Variants in SLIT3 observed in about 807,000 individuals in gnomAD.
SLIT3 encodes the protein slit homolog 3 protein.
In SLIT3, 68 loss-of-function variants were observed where a neutral mutation model predicts 184.0. The ratio of observed to expected loss-of-function variants is 0.37; its 90% CI spans 0.30 to 0.45. The LOEUF (loss-of-function observed/expected upper bound fraction) is 0.45, where lower values mean the gene tolerates loss of function less well. Ranked by LOEUF, SLIT3 falls within the 20% of genes least tolerant of loss-of-function variation. The probability of loss-of-function intolerance (pLI) is 1.00; values close to 1 mark genes in which losing one functional copy is unlikely to be tolerated. For synonymous variants in SLIT3, 831 were observed against 828.6 expected, an observed-to-expected ratio of 1.00 and a Z score of -0.05; for missense variants, 1,707 against 2,026.0, an observed-to-expected ratio of 0.84 and a Z score of 3.02.
At chr5:168,718,228 G>C (rs1487450125) in intron 23 of SLIT3, 1 of 151,884 alleles carries the variant, frequency 6.6e-6, no homozygotes, top group Non-Finnish European at 1.5e-5. Context: ...ATCAAGCAAA[G>C]GGCTCCCTTA....
At chr5:168,669,653 C>A in intron 35 of SLIT3, 130 bp downstream of exon 35, 1 of 707,358 alleles carries the variant, frequency 1.4e-6, no homozygotes, top group Non-Finnish European at 2.5e-6. Context: ...GGAATTGAGG[C>A]TCAGAAAGTG....
At chr5:168,684,484 T>C (rs901691463) in intron 31 of SLIT3, among the ~76,000 whole-genome samples, 1 of 152,222 alleles carries the variant, frequency 6.6e-6, no homozygotes, top group African/African-American at 2.4e-5. Context: ...ATTTATTTAT[T>C]TATTTATTTT....
chr5:169,049,823 G>C (rs767529913), intron 4 of SLIT3, among the ~76,000 whole-genome samples: 7 of 152,280 alleles, frequency 4.6e-5, no homozygotes, highest in Middle Eastern at 3.4e-3. Flanking sequence ...AAATACAAGA[G>C]TTCTGTAGTT....
chr5:168,691,667 G>C (rs992832044), intron 29 of SLIT3, among the ~76,000 whole-genome samples: 7 of 152,154 alleles, frequency 4.6e-5, no homozygotes, highest in African/African-American at 1.7e-4. Context: ...CAGTTGCCCC[G>C]GACTGCCTGT....
At chr5:169,281,384 A>T (rs1766988692) in intron 1 of SLIT3, among the ~76,000 whole-genome samples, 1 of 152,080 alleles carries the variant, frequency 6.6e-6, no homozygotes, top group Non-Finnish European at 1.5e-5. Flanking sequence ...GCTGAGGCAG[A>T]AGAATCACTT....
intron 4 of SLIT3, among the ~76,000 whole-genome samples, chr5:169,120,733 G>C (rs187982496): frequency 6.6e-6 from 1 of 152,196 alleles, no homozygotes; most frequent in Non-Finnish European, 1.5e-5. Flanking sequence ...CCCACCTTGA[G>C]AGCTGCATCC....
intron 8 of SLIT3, among the ~76,000 whole-genome samples, chr5:168,811,173 GGGACTTGCCCAA>G (rs1156940081): frequency 5.3e-5 from 8 of 152,236 alleles, no homozygotes; most frequent in Non-Finnish European, 1.0e-4. Context: ...GAGAGAGGAG[GGGACTTGCCCAA>G]GGACACAGTG....
intron 21 of SLIT3, 50 bp from the exon 22 acceptor site, chr5:168,723,054 T>G (rs145582302): frequency 1.2e-5 from 17 of 1,365,332 alleles, no homozygotes; most frequent in Non-Finnish European, 1.8e-5. Flanking sequence ...GTTGCATCTG[T>G]AGGAGGCCAT....
intron 9 of SLIT3, 22 bp from the exon 10 acceptor site, chr5:168,795,600 A>T: frequency 6.3e-7 from 1 of 1,599,266 alleles, no homozygotes; most frequent in Non-Finnish European, 8.6e-7. Flanking sequence ...AGCAGAGAAG[A>T]GTGAATTAAC....
At chr5:168,728,912 T>C (rs1471647520) in intron 20 of SLIT3, among the ~76,000 whole-genome samples, 3 of 150,182 alleles carry the variant, frequency 2.0e-5, no homozygotes, top group African/African-American at 7.4e-5. Context: ...AGTTAGACTC[T>C]GTCTCAAAAA....
At chr5:169,007,093 G>T (rs945260075) in intron 4 of SLIT3, among the ~76,000 whole-genome samples, 1 of 152,162 alleles carries the variant, frequency 6.6e-6, no homozygotes, top group Non-Finnish European at 1.5e-5. Context: ...GATAGTGAGT[G>T]AGTTCTCACA....
At chr5:168,854,489 G>A (rs1011198692) in intron 5 of SLIT3, among the ~76,000 whole-genome samples, 7 of 152,278 alleles carry the variant, frequency 4.6e-5, no homozygotes, top group Non-Finnish European at 1.0e-4. Flanking sequence ...AGTCACTGAG[G>A]ATCATGGATG....
intron 4 of SLIT3, among the ~76,000 whole-genome samples, chr5:169,003,302 G>A (rs1305259193): frequency 6.6e-6 from 1 of 152,144 alleles, no homozygotes; most frequent in Non-Finnish European, 1.5e-5. Context: ...CCTAGCTTCT[G>A]GGCAGACCAG....
intron 4 of SLIT3, among the ~76,000 whole-genome samples, chr5:169,064,937 A>C (rs1758298109): frequency 6.6e-6 from 1 of 152,210 alleles, no homozygotes; most frequent in South Asian, 2.1e-4. Context: ...ACTAGAACCC[A>C]GCCTAATTGC....
At chr5:168,763,352 G>A (rs1033198399) in intron 14 of SLIT3, among the ~76,000 whole-genome samples, 3 of 152,040 alleles carry the variant, frequency 2.0e-5, no homozygotes, top group African/African-American at 7.3e-5. Flanking sequence ...TTTGGCTCAG[G>A]GTTGCCTGAT....
chr5:169,096,415 G>A (rs1035148587), intron 4 of SLIT3, among the ~76,000 whole-genome samples: 5 of 152,210 alleles, frequency 3.3e-5, no homozygotes, highest in African/African-American at 7.2e-5. Flanking sequence ...TTTCTGCAAA[G>A]GGCCAGATAG....
intron 12 of SLIT3, among the ~76,000 whole-genome samples, chr5:168,784,890 C>CAA (rs1756098065): frequency 6.6e-6 from 1 of 151,994 alleles, no homozygotes; most frequent in African/African-American, 2.4e-5. Flanking sequence ...CACACACACG[C>CAA]ACACACACAC....
At chr5:169,204,420 G>T (rs149833311) in intron 3 of SLIT3, among the ~76,000 whole-genome samples, 50 of 152,264 alleles carry the variant, frequency 3.3e-4, no homozygotes, top group African/African-American at 1.2e-3. Flanking sequence ...GAGAGAAAAC[G>T]GGTTGATAGC....
intron 4 of SLIT3, chr5:168,992,952 C>A (rs1216080212): frequency 6.6e-6 from 1 of 152,188 alleles, no homozygotes; most frequent in African/African-American, 2.4e-5. Context: ...GAACAATGAG[C>A]CCAGAGCGAG....
Sources: allele counts gnomAD v4.1 joint callset (sites outside exome capture counted in the v4.1 genomes callset), GRCh38; gene constraint gnomAD v4.1.1; transcripts MANE v1.5; gene names NCBI Gene and HGNC (gene_info 2026-07-23, HGNC 2026-07-21).